Variants in TMEM223 observed in about 807,000 individuals in gnomAD.
TMEM223 encodes the protein transmembrane protein 223.
In TMEM223, 14 loss-of-function variants were observed where a neutral mutation model predicts 14.1. That is an observed-to-expected ratio of 0.99 (90% CI 0.66 to 1.55). The LOEUF is 1.55. TMEM223 is among the 40% of genes most tolerant of loss of function. The pLI, the probability that TMEM223 is intolerant of heterozygous loss-of-function variation, is 0.00. For synonymous variants in TMEM223, 145 were observed against 120.5 expected (o/e 1.20, Z -1.33); for missense variants, 346 against 269.9 (o/e 1.28, Z -1.97).
At chr11:62,774,560 G>T (rs766930480) in intron 2 of TMEM223, 1 of 454,518 alleles carries the variant, frequency 2.2e-6, no homozygotes. Context: ...CCTGTCTGAG[G>T]TGTGGATGCA....
At chr11:62,788,894 G>A, downstream of TMEM223, 1 of 1,030,398 alleles carries the variant, frequency 9.7e-7, no homozygotes, top group Non-Finnish European at 1.4e-6. Flanking sequence ...CCCAGAAATA[G>A]GAATTGACGG....
chr11:62,773,431 A>G (rs895508002), intron 2 of TMEM223, among the ~76,000 whole-genome samples: 8 of 149,564 alleles, frequency 5.3e-5, no homozygotes, highest in Admixed American at 1.3e-4. Flanking sequence ...CAGATGAGCC[A>G]CTGCGCCCGG....
intron 2 of TMEM223, among the ~76,000 whole-genome samples, chr11:62,773,056 T>C (rs2084161043): frequency 6.6e-6 from 1 of 151,874 alleles, no homozygotes; most frequent in South Asian, 2.1e-4. Context: ...TTAGCCAGGA[T>C]GGTCTTCATC....
At chr11:62,784,268 G>T (rs376799666), downstream of TMEM223, among the ~76,000 whole-genome samples, 6 of 149,788 alleles carry the variant, frequency 4.0e-5, no homozygotes, top group East Asian at 5.9e-4. Context: ...GATTACAGGC[G>T]TGAGCCACCG....
downstream of TMEM223, chr11:62,789,642 C>G (rs750513532): frequency 1.9e-6 from 3 of 1,550,420 alleles, no homozygotes; most frequent in East Asian, 6.7e-5. Context: ...CCCCCTGGAA[C>G]TGCTCTGCAG....
At chr11:62,786,056 G>A (rs1385677787), downstream of TMEM223, 4 of 602,326 alleles carry the variant, frequency 6.6e-6, no homozygotes, top group African/African-American at 7.3e-5. Context: ...GTCTCCCTTT[G>A]TACCTTATCT....
intron 1 of TMEM223, among the ~76,000 whole-genome samples, chr11:62,774,824 C>T (rs1443507555): frequency 6.6e-6 from 1 of 150,540 alleles, no homozygotes; most frequent in East Asian, 1.9e-4. Flanking sequence ...TGGCACGTGC[C>T]TGTAATCCCA....
At chr11:62,782,521 T>A, downstream of TMEM223, 2 of 1,072,660 alleles carry the variant, frequency 1.9e-6, no homozygotes, top group Non-Finnish European at 2.7e-6. Flanking sequence ...TACGCCAAGG[T>A]ATTGGTTCTT....
intron 1 of TMEM223, among the ~76,000 whole-genome samples, chr11:62,780,936 CAAAAA>C (rs1302371766): frequency 3.8e-5 from 2 of 52,298 alleles, no homozygotes; most frequent in Non-Finnish European, 3.8e-5. Flanking sequence ...GACTCCATCT[CAAAAA>C]AAAAAAAAAA....
rs548181638 is a variant in TMEM223, at chr11:62,773,548, A to C, written c.385+1047T>G. ...CTGCAACCTCTGTCTCACGGGTTCA[A>C]GCGATTCTCCTGCCTCAGCCTTGCG... On this transcript the variant is annotated intron_variant, in intron 2 of 2. Transcript: ENST00000528367. Among the ~76,000 whole-genome samples the C allele has an allele frequency of 2.6e-4, 40 of 151,906 alleles. 1 individual carries two copies. In the South Asian group the frequency reaches 8.3e-3, roughly 32 times the overall value.
downstream of TMEM223, chr11:62,787,557 G>C (rs1199768965): frequency 6.6e-7 from 1 of 1,516,544 alleles, no homozygotes; most frequent in African/African-American, 1.4e-5. Flanking sequence ...TCAGGTAGGC[G>C]GGGGAGCTGG....
intron 1 of TMEM223, chr11:62,777,875 T>G: frequency 1.4e-6 from 2 of 1,391,250 alleles, no homozygotes; most frequent in Non-Finnish European, 1.9e-6. Context: ...TGGACTTCCT[T>G]CAAACGTGGG....
At chr11:62,789,312 T>C, downstream of TMEM223, 5 of 1,614,084 alleles carry the variant, frequency 3.1e-6, no homozygotes, top group Non-Finnish European at 3.4e-6. Context: ...GGGCTGCGCA[T>C]TGCACTGGCC....
rs2084346797 is a variant in TMEM223, at chr11:62,790,422, A to T, written c.*201T>A. 1 of 595,340 alleles carries T rather than the reference A, an allele frequency of 1.7e-6. No homozygotes were observed. The highest frequency in any genetic ancestry group is 1.9e-5 in the African/African-American group (1 of 53,466). The allele number at this position is 595,340 out of a possible 1,614,324, so 36.9% of individuals were successfully genotyped here. On this transcript the variant is annotated 3_prime_UTR_variant, in exon 2 of 2. Coordinates refer to ENST00000307366, the MANE Select transcript of TMEM223 (RefSeq NM_001080501.3). ...GTGACCCTGGTTGTTACTCCATTCTAAGATTGGCGTTTTTTTTTGTTTTTT... is the reference window on the plus strand; with the variant it reads ...GTGACCCTGGTTGTTACTCCATTCTTAGATTGGCGTTTTTTTTTGTTTTTT...
chr11:62,779,881 G>C (rs1190584051), intron 1 of TMEM223, among the ~76,000 whole-genome samples: 2 of 142,894 alleles, frequency 1.4e-5, no homozygotes, highest in Non-Finnish European at 3.0e-5. Context: ...GGCCAGGCTG[G>C]TCTCAAACTC....
At chr11:62,786,249 C>T (rs1461759912), downstream of TMEM223, 3 of 1,607,698 alleles carry the variant, frequency 1.9e-6, no homozygotes, top group Admixed American at 1.7e-5. Flanking sequence ...TATTCCTTCT[C>T]TTCCTTCCAG....
chr11:62,774,821 T>C (rs1329511403), intron 1 of TMEM223, among the ~76,000 whole-genome samples: 1 of 149,202 alleles, frequency 6.7e-6, no homozygotes, highest in Non-Finnish European at 1.5e-5. Flanking sequence ...TGGTGGCACG[T>C]GCCTGTAATC....
rs951320785 is a variant in TMEM223, at chr11:62,790,664, T to C, written c.568A>G (p.Lys190Glu). ...LDKTGHFPNT[K>E]LFDNTVGAYR... is the part of the protein sequence containing the mutation. ...GCACCCACAGTATTGTCAAAGAGTT[T>C]TGTGTTAGGGAAGTGTCCAGTTTTG... Residue 190 changes from lysine (K) to glutamate (E), a missense_variant, in exon 2 of 2, where the codon AAA (lysine) becomes GAA (glutamate). Physicochemically the swap from Lys to Glu is moderately conservative, Grantham distance 56. Coordinates refer to ENST00000307366, the MANE Select transcript of TMEM223 (RefSeq NM_001080501.3). 6.2e-7 allele frequency: 1 copy of C among 1,612,360 alleles called. No homozygotes were observed.
intron 1 of TMEM223, among the ~76,000 whole-genome samples, chr11:62,781,444 T>C (rs533009981): frequency 5.5e-4 from 83 of 151,938 alleles, no homozygotes; most frequent in African/African-American, 1.5e-3. Context: ...GAGGCTGAGG[T>C]GGGCAGATCA....
Sources: allele counts gnomAD v4.1 joint callset (sites outside exome capture counted in the v4.1 genomes callset), GRCh38; gene constraint gnomAD v4.1.1; transcripts MANE v1.5; gene names NCBI Gene and HGNC (gene_info 2026-07-23, HGNC 2026-07-21).